Variants in MBIP observed in about 807,000 individuals in gnomAD.
MBIP encodes MAP3K12 binding inhibitory protein 1, also known as MAP3K12-binding inhibitory protein 1.
A neutral mutation model predicts 45.7 loss-of-function variants in MBIP; 32 were observed. That is an observed-to-expected ratio of 0.70 (90% CI 0.53 to 0.94). The LOEUF (loss-of-function observed/expected upper bound fraction) is 0.94, where lower values mean the gene tolerates loss of function less well. Among genes scored for constraint, MBIP ranks in the 40% least tolerant of loss-of-function variants. MBIP has a pLI of 0.00. For missense variants in MBIP, 381 were observed against 405.5 expected (o/e 0.94, Z 0.52); for synonymous variants, 145 against 141.0 (o/e 1.03, Z -0.20).
At chr14:36,303,032 G>C (rs1347744371) in intron 7 of MBIP, among the ~76,000 whole-genome samples, 4 of 152,214 alleles carry the variant, frequency 2.6e-5, no homozygotes, top group Non-Finnish European at 4.4e-5. Flanking sequence ...ACAGTGTACT[G>C]TGCTGCCAAG....
chr14:36,319,820 C>A, intron 1 of MBIP: 1 of 182,198 alleles, frequency 5.5e-6, no homozygotes, highest in Non-Finnish European at 1.2e-5. Flanking sequence ...TTTACTATGA[C>A]ATTTCTGCAA....
intron 7 of MBIP, among the ~76,000 whole-genome samples, chr14:36,304,413 A>G (rs1879752899): frequency 6.6e-6 from 1 of 152,256 alleles, no homozygotes; most frequent in Non-Finnish European, 1.5e-5. Context: ...AGTGAAAAAC[A>G]TGTATAAACA....
At position 36,298,923 on chromosome 14, in the gene MBIP, A is replaced by AT; in HGVS notation, c.*159dup. On this transcript the variant is annotated 3_prime_UTR_variant, in exon 9 of 9. Transcript: ENST00000416007. ...ATTCATTATTTCAAAACTTACTGGA[A>AT]TATTTGAAGATTACTTGCTGCAAGC... is the stretch of plus-strand genomic sequence containing the variant. 2.1e-6 allele frequency: 1 copy of AT among 475,078 alleles called. No individual in the cohort carries two copies. The highest frequency in any genetic ancestry group is 2.0e-5 in the African/African-American group (1 of 50,374). 29.4% of individuals were successfully genotyped at this position (475,078 alleles called of 1,614,324 possible).
Position 36,300,782 on chromosome 14 carries a change from T to TA in MBIP, c.927+2dup. The TA allele has an allele frequency of 3.9e-6, 6 of 1,553,396 alleles. No homozygotes were observed. Among genetic ancestry groups the TA allele is most frequent in the Non-Finnish European group, 5.3e-6 (6 of 1,142,818 alleles). On this transcript the variant is annotated splice_region_variant and intron_variant, in intron 8 of 8. Coordinates refer to ENST00000416007, the MANE Select transcript of MBIP (RefSeq NM_016586.3). ...AAACCAAAATGAAAATGCAGTAACT[T>TA]ACTTGAGGTGGTTGAACTTTTCTTC...
In MBIP at chr14:36,299,128, T is replaced by C. The variant is rs1879373972; in HGVS notation, c.990A>G (p.Arg330=). 6.2e-7 allele frequency: 1 copy of C among 1,613,910 alleles called. No individual in the cohort carries two copies. Among genetic ancestry groups the C allele is most frequent in the Non-Finnish European group, 8.5e-7 (1 of 1,179,840 alleles). Residue 330 remains arginine, a synonymous_variant, in exon 9 of 9, where the codon AGA becomes AGG. Transcript: ENST00000416007. The part of the protein sequence containing the change: ...KISALKQALL[R]KSREAESMAT... Reference sequence around the variant, plus strand: ...CCATGGATTCTGCTTCTCTTGATTTTCTGAGGAGGGCTTGTTTGAGGGCAC... The same window carrying C: ...CCATGGATTCTGCTTCTCTTGATTTCCTGAGGAGGGCTTGTTTGAGGGCAC...
chr14:36,320,589 G>A lies in MBIP; in HGVS notation c.-1C>T, dbSNP rs11558802. The stretch of plus-strand genomic sequence containing the variant: ...GATTAAGCTCCGTGGCAGCAGCCAT[G>A]ATATCTTCTCAGGCCGCCCCACCAC... On this transcript the variant is annotated 5_prime_UTR_variant, in exon 1 of 9. Transcript: ENST00000416007. The A allele has an allele frequency of 0.92, 1,486,136 of 1,607,290 alleles. 695,621 individuals are homozygous for A. Among genetic ancestry groups the A allele is most frequent in the East Asian group, 0.96 (42,809 of 44,592 alleles).
chr14:36,312,911 T>TA (rs1185432526), intron 4 of MBIP, among the ~76,000 whole-genome samples: 1 of 150,944 alleles, frequency 6.6e-6, no homozygotes, highest in Non-Finnish European at 1.5e-5. Context: ...TGAGATTCTT[T>TA]AAAAAAAATT....
intron 7 of MBIP, among the ~76,000 whole-genome samples, chr14:36,301,352 C>T (rs1199868255): frequency 1.3e-5 from 2 of 152,186 alleles, no homozygotes; most frequent in East Asian, 3.9e-4. Context: ...AATGGCTTCC[C>T]GGTCTTGTCA....
Position 36,298,950 on chromosome 14 carries a change from G to A in MBIP, c.*133C>T, listed in dbSNP as rs966721642. ...ATTTGAAGATTACTTGCTGCAAGCT[G>A]GACTCATGTGAAAATAAACCTTGAC... is the stretch of plus-strand genomic sequence containing the variant. On this transcript the variant is annotated 3_prime_UTR_variant, in exon 9 of 9. Coordinates refer to ENST00000416007, the MANE Select transcript of MBIP (RefSeq NM_016586.3). The A allele has an allele frequency of 3.5e-6, 2 of 572,020 alleles. No homozygotes were observed. The highest frequency in any genetic ancestry group is 6.2e-6 in the Non-Finnish European group (2 of 323,884). The allele number at this position is 572,020 out of a possible 1,614,324, so 35.4% of individuals were successfully genotyped here. A position where few individuals can be genotyped will look rare whatever the true frequency, so the allele number is the denominator to read the frequency against.
Position 36,312,032 on chromosome 14 carries a change from G to T in MBIP, c.572-8C>A, listed in dbSNP as rs375176822. ...TTCTTGCACAACTATTTTCTAAGGA[G>T]AATTTAGATAAATATAAGTTTAAAT... On this transcript the variant is annotated splice_region_variant and splice_polypyrimidine_tract_variant and intron_variant, in intron 4 of 8. Coordinates refer to ENST00000416007, the MANE Select transcript of MBIP (RefSeq NM_016586.3). 1.3e-6 allele frequency: 2 copies of T among 1,523,300 alleles called. No homozygotes were observed. The highest frequency in any genetic ancestry group is 1.8e-6 in the Non-Finnish European group (2 of 1,122,162). 94.4% of individuals were successfully genotyped at this position (1,523,300 alleles called of 1,614,324 possible). A position where few individuals can be genotyped will look rare whatever the true frequency, so the allele number is the denominator to read the frequency against.
At chr14:36,317,993 A>G (rs1880678328) in intron 1 of MBIP, among the ~76,000 whole-genome samples, 1 of 152,092 alleles carries the variant, frequency 6.6e-6, no homozygotes, top group African/African-American at 2.4e-5. Flanking sequence ...AAAAGTCCAT[A>G]TTAGACAAGT....
At chr14:36,302,556 A>G (rs1879633703) in intron 7 of MBIP, among the ~76,000 whole-genome samples, 2 of 151,468 alleles carry the variant, frequency 1.3e-5, no homozygotes, top group Non-Finnish European at 2.9e-5. Context: ...CCTGTAATAT[A>G]TTGATAGTTT....
chr14:36,303,461 A>G (rs552211267), intron 7 of MBIP, among the ~76,000 whole-genome samples: 3 of 152,300 alleles, frequency 2.0e-5, no homozygotes, highest in African/African-American at 7.2e-5. Context: ...CACCTAGGCT[A>G]TATGGTATAG....
chr14:36,311,548 A>G, intron 6 of MBIP, 25 bp downstream of exon 6: 1 of 1,569,420 alleles, frequency 6.4e-7, no homozygotes, highest in Non-Finnish European at 8.7e-7. Flanking sequence ...GTTCATTATG[A>G]GGTGCCACTT....
At chr14:36,311,850 G>A (rs1309517231) in intron 5 of MBIP, 109 bp downstream of exon 5, 1 of 1,173,998 alleles carries the variant, frequency 8.5e-7, no homozygotes, top group Non-Finnish European at 1.2e-6. Flanking sequence ...AGGACGGCAA[G>A]ATGTTTTTGT....
Position 36,314,850 on chromosome 14 carries a change from TC to T in MBIP, c.314del (p.Gly105GlufsTer11). The T allele has an allele frequency of 6.2e-7, 1 of 1,613,522 alleles. No individual in the cohort carries two copies. Among genetic ancestry groups the T allele is most frequent in the Non-Finnish European group, 8.5e-7 (1 of 1,179,652 alleles). ...CATTTTTGTTCCCCATTTCTGTTCT[TC>T]CTATCTCTTCAACAGCAGTTGTATT... The part of the protein sequence containing the change: ...EENTTAVEEI[G>X]RTEMGNKNEV... On this transcript the variant is annotated frameshift_variant, in exon 3 of 9. Transcript: ENST00000416007. LOFTEE classifies it high-confidence loss of function.
rs1160957643 is a variant in MBIP at position 36,311,558 on chromosome 14, T to C, written c.790+15A>G. The C allele has an allele frequency of 6.3e-7, 1 of 1,594,358 alleles. No individual in the cohort carries two copies. Among genetic ancestry groups the C allele is most frequent in the African/African-American group, 1.4e-5 (1 of 74,062 alleles). On this transcript the variant is annotated intron_variant, in intron 6 of 8. Transcript: ENST00000416007. ...CAAAGGTTCATTATGAGGTGCCACT[T>C]AGCACTTTGCTTACCTGTCTGTAAC...
Position 36,298,986 on chromosome 14 carries a change from A to C in MBIP, c.*97T>G. 1 of 829,538 alleles carries C rather than the reference A, an allele frequency of 1.2e-6. No homozygotes were observed. 51.4% of individuals were successfully genotyped at this position (829,538 alleles called of 1,614,324 possible). ...AAAATAAACCTTGACTTCACAGAGA[A>C]GTCTACATTGATAAATATATATCCG... On this transcript the variant is annotated 3_prime_UTR_variant, in exon 9 of 9. Transcript: ENST00000416007.
chr14:36,302,294 C>T (rs1307935130), intron 7 of MBIP, among the ~76,000 whole-genome samples: 1 of 151,996 alleles, frequency 6.6e-6, no homozygotes, highest in Non-Finnish European at 1.5e-5. Context: ...AGATCAAGGC[C>T]ATCCTGGCTA....
Sources: allele counts gnomAD v4.1 joint callset (sites outside exome capture counted in the v4.1 genomes callset), GRCh38; gene constraint gnomAD v4.1.1; transcripts MANE v1.5; gene names NCBI Gene and HGNC (gene_info 2026-07-23, HGNC 2026-07-21).